Variants in U2SURP observed in about 807,000 individuals in gnomAD.
U2SURP encodes the protein U2 snRNP associated SURP domain containing, also known as U2 snRNP-associated SURP motif-containing protein.
U2SURP carries 9 observed loss-of-function variants against 144.9 expected under a neutral mutation model. That is an observed-to-expected ratio of 0.06 (90% CI 0.04 to 0.11). The LOEUF (loss-of-function observed/expected upper bound fraction) is 0.11. U2SURP is among the 10% of genes least tolerant of loss of function. U2SURP has a pLI of 1.00. For missense variants in U2SURP, 724 were observed against 1,226.7 expected, an observed-to-expected ratio of 0.59 and a Z score of 6.12; for synonymous variants, 408 against 396.8, an observed-to-expected ratio of 1.03 and a Z score of -0.33.
intron 27 of U2SURP, 92 bp from the exon 28 acceptor site, chr3:143,056,220 C>T (rs2108323422): frequency 1.5e-6 from 2 of 1,330,600 alleles, no homozygotes; most frequent in Non-Finnish European, 2.0e-6. Context: ...TTCACTGTGC[C>T]CTGTTAAAGA....
At chr3:143,016,409 T>A in intron 5 of U2SURP, 38 bp downstream of exon 5, 1 of 1,553,926 alleles carries the variant, frequency 6.4e-7, no homozygotes, top group Non-Finnish European at 8.8e-7. Context: ...AAAGCATAAC[T>A]GTATTACAGT....
In U2SURP at chr3:143,027,362, A is replaced by G. The variant is rs1034920532; in HGVS notation, c.1379+109A>G. On this transcript the variant is annotated intron_variant, in intron 14 of 27. Transcript: ENST00000473835. ...TTAAGTACATTCACATTGTTGTACA[A>G]CCATCACCACCATCCATCTCCAGAA... 14 of 738,696 alleles carry G rather than the reference A, an allele frequency of 1.9e-5. No individual in the cohort carries two copies. In the African/African-American group the frequency reaches 2.0e-4, roughly 10 times the overall value. 45.8% of individuals were successfully genotyped at this position (738,696 alleles called of 1,614,324 possible).
chr3:143,049,861 C>G (rs1934759115), intron 24 of U2SURP, among the ~76,000 whole-genome samples: 2 of 152,112 alleles, frequency 1.3e-5, no homozygotes, highest in African/African-American at 4.8e-5. Context: ...TTTCCTCTCC[C>G]TGTAACTGAT....
intron 24 of U2SURP, among the ~76,000 whole-genome samples, chr3:143,045,487 T>C (rs2108308784): frequency 1.3e-5 from 2 of 152,196 alleles, no homozygotes; most frequent in South Asian, 4.1e-4. Flanking sequence ...TATTCCCTCA[T>C]ATAAATGCCC....
chr3:143,027,973 A>G (rs1933253111), intron 14 of U2SURP, among the ~76,000 whole-genome samples: 1 of 152,202 alleles, frequency 6.6e-6, no homozygotes, highest in African/African-American at 2.4e-5. Flanking sequence ...CTGAATTGTT[A>G]CGGTATTCTT....
chr3:143,053,337 C>A (rs1431146123), intron 25 of U2SURP, among the ~76,000 whole-genome samples: 2 of 152,074 alleles, frequency 1.3e-5, no homozygotes, highest in Non-Finnish European at 2.9e-5. Flanking sequence ...TTCTGAGTCT[C>A]AATTTTCATC....
chr3:143,053,454 A>G (rs1437960091), intron 25 of U2SURP, among the ~76,000 whole-genome samples: 3 of 152,278 alleles, frequency 2.0e-5, no homozygotes, highest in Non-Finnish European at 1.5e-5. Flanking sequence ...GTAAGCACTC[A>G]GTAAATGTAT....
At chr3:143,016,114 TA>T in intron 4 of U2SURP, 142 bp from the exon 5 acceptor site, 1 of 575,594 alleles carries the variant, frequency 1.7e-6, no homozygotes, top group Non-Finnish European at 3.0e-6. Flanking sequence ...TAATATCTTC[TA>T]AAGATTAGAC....
intron 21 of U2SURP, 35 bp downstream of exon 21, chr3:143,037,370 A>G: frequency 6.3e-7 from 1 of 1,595,290 alleles, no homozygotes. Flanking sequence ...AAATCTAGCT[A>G]ATACATTTGG....
intron 24 of U2SURP, 53 bp downstream of exon 24, chr3:143,043,329 C>T: frequency 6.6e-7 from 1 of 1,525,610 alleles, no homozygotes; most frequent in East Asian, 2.4e-5. Context: ...TCACTTTCTC[C>T]ACCAAACTAA....
At chr3:143,003,631 C>CTGTCATAA in intron 1 of U2SURP, among the ~76,000 whole-genome samples, 1 of 149,292 alleles carries the variant, frequency 6.7e-6, no homozygotes, top group Non-Finnish European at 1.5e-5. Context: ...AAGTCATCAG[C>CTGTCATAA]TGTCATAATG....
At chr3:143,027,698 T>C (rs1347651155) in intron 14 of U2SURP, among the ~76,000 whole-genome samples, 1 of 152,204 alleles carries the variant, frequency 6.6e-6, no homozygotes, top group Non-Finnish European at 1.5e-5. Flanking sequence ...TAAAACTACT[T>C]TTAATTTATT....
intron 1 of U2SURP, among the ~76,000 whole-genome samples, chr3:143,008,493 C>T (rs957247409): frequency 7.9e-5 from 12 of 152,120 alleles, no homozygotes; most frequent in African/African-American, 1.2e-4. Context: ...GAATTTAGAG[C>T]GGTTGAATGA....
At chr3:143,006,946 G>A (rs184744011) in intron 1 of U2SURP, among the ~76,000 whole-genome samples, 1 of 152,338 alleles carries the variant, frequency 6.6e-6, no homozygotes. Context: ...AGGCAGAATG[G>A]TAGTGTTGGA....
chr3:143,055,013 C>G lies in U2SURP; in HGVS notation c.2845C>G (p.Pro949Ala). The change falls in exon 27 of 28, where the codon CCA (proline) becomes GCA (alanine). Residue 949 changes from proline to alanine, a missense_variant. Pro to Ala is a conservative substitution (Grantham distance 27, BLOSUM62 -1). Coordinates refer to ENST00000473835, the MANE Select transcript of U2SURP (RefSeq NM_001080415.2). Reference sequence around the variant, plus strand: ...TGGTAGACGAGTGAAATCCCCATCACCAAAATCGGAGCGATCAGAGCGTTC... The same window carrying G: ...TGGTAGACGAGTGAAATCCCCATCAGCAAAATCGGAGCGATCAGAGCGTTC... ...SSGRRVKSPS[P>A]KSERSERSER... 2 of 1,609,140 alleles carry G rather than the reference C, an allele frequency of 1.2e-6. No individual in the cohort carries two copies. Among genetic ancestry groups the G allele is most frequent in the Non-Finnish European group, 1.7e-6 (2 of 1,177,840 alleles).
At chr3:143,036,900 C>CA (rs1166649808) in intron 20 of U2SURP, 2 of 374,082 alleles carry the variant, frequency 5.3e-6, no homozygotes, top group East Asian at 9.5e-5. Flanking sequence ...AAAACAACAG[C>CA]AAAAACCTTT....
chr3:143,045,168 A>G (rs1021793848), intron 24 of U2SURP, among the ~76,000 whole-genome samples: 1 of 152,036 alleles, frequency 6.6e-6, no homozygotes, highest in African/African-American at 2.4e-5. Context: ...CAGGAGATCG[A>G]GAATATCCTG....
intron 13 of U2SURP, chr3:143,025,957 ATATT>A (rs1289981965): frequency 6.6e-6 from 1 of 152,134 alleles, no homozygotes; most frequent in African/African-American, 2.4e-5. Context: ...CTATAACTAT[ATATT>A]TATTTACATT....
At chr3:143,009,522 C>T (rs1403226977) in intron 1 of U2SURP, among the ~76,000 whole-genome samples, 1 of 151,694 alleles carries the variant, frequency 6.6e-6, no homozygotes, top group Non-Finnish European at 1.5e-5. Context: ...TACTGGAACC[C>T]GGGAGGCGGA....
Sources: allele counts gnomAD v4.1 joint callset (sites outside exome capture counted in the v4.1 genomes callset), GRCh38; gene constraint gnomAD v4.1.1; transcripts MANE v1.5; gene names NCBI Gene and HGNC (gene_info 2026-07-23, HGNC 2026-07-21).